PTPN14: variants seen among roughly 807,000 people sequenced by gnomAD.
The protein encoded by PTPN14 is tyrosine-protein phosphatase non-receptor type 14.
In PTPN14, 53 loss-of-function variants were observed where a neutral mutation model predicts 126.8. The observed-to-expected ratio is 0.42, with a 90% CI of 0.34 to 0.53. The LOEUF is 0.53. Ranked by LOEUF, PTPN14 falls within the 20% of genes least tolerant of loss-of-function variation. PTPN14 has a pLI of 0.08. For missense variants in PTPN14, 1,257 were observed against 1,552.9 expected (o/e 0.81, Z 3.20); for synonymous variants, 630 against 599.3 (o/e 1.05, Z -0.75).
chr1:214,411,721 G>T lies in PTPN14; in HGVS notation c.473C>A (p.Ser158Tyr). ...ADFGDYNQFD[S>Y]QDFLREYVLF... ...CACATACTCTCTGAGGAAATCTTGA[G>T]AATCAAACTGATTATAGTCTCCAAA... is the stretch of plus-strand genomic sequence containing the variant. Residue 158 changes from serine to tyrosine, a missense_variant, in exon 5 of 19, where the codon TCT (serine) becomes TAT (tyrosine). Ser to Tyr is a moderately radical substitution (Grantham distance 144, BLOSUM62 -2). Around this residue, in one of 3 missense-constraint regions of PTPN14, gnomAD observed 1,021 missense variants for 1,183.3 expected, o/e 0.86. Transcript: ENST00000366956. The T allele has an allele frequency of 6.6e-7, 1 of 1,511,570 alleles. No homozygotes were observed. The highest frequency in any genetic ancestry group is 1.8e-5 in the Admixed American group (1 of 56,458). The allele number at this position is 1,511,570 out of a possible 1,614,324, so 93.6% of individuals were successfully genotyped here.
At chr1:214,425,931 T>A (rs1659651768) in intron 3 of PTPN14, among the ~76,000 whole-genome samples, 1 of 150,942 alleles carries the variant, frequency 6.6e-6, no homozygotes, top group South Asian at 2.1e-4. Context: ...GGTAGGTGAC[T>A]TGCCAAGTCT....
intron 1 of PTPN14, among the ~76,000 whole-genome samples, chr1:214,480,297 T>C (rs1464538736): frequency 2.6e-5 from 4 of 152,242 alleles, no homozygotes; most frequent in Non-Finnish European, 4.4e-5. Context: ...TCTTCACTTA[T>C]AAGATGACTG....
At position 214,506,680 on chromosome 1, in the gene PTPN14, T is replaced by C. The variant is rs574579191; in HGVS notation, c.-154-41723A>G. On this transcript the variant is annotated intron_variant, in intron 1 of 18. Transcript: ENST00000366956. ...GGTTCTGCCAGGTGGCCAATGCTCA[T>C]TAACCAGGGATACAGGTGGCTCTCT... Among the ~76,000 whole-genome samples, 57 of 152,312 alleles carry C rather than the reference T, an allele frequency of 3.7e-4. No homozygotes were observed. The Middle Eastern group carries it at 0.01, about 27-fold the overall frequency.
At chr1:214,391,081 A>G in intron 10 of PTPN14, 36 bp from the exon 11 acceptor site, 2 of 1,472,896 alleles carry the variant, frequency 1.4e-6, no homozygotes, top group Non-Finnish European at 1.9e-6. Flanking sequence ...AATGGTTATT[A>G]TTATTGATAT....
At chr1:214,513,913 C>T (rs1655038446) in intron 1 of PTPN14, among the ~76,000 whole-genome samples, 1 of 152,108 alleles carries the variant, frequency 6.6e-6, no homozygotes. Context: ...TGTTATTACT[C>T]TTGTTCACCA....
intron 14 of PTPN14, 51 bp from the exon 15 acceptor site, chr1:214,376,488 C>T (rs760757398): frequency 1.4e-6 from 2 of 1,451,952 alleles, no homozygotes; most frequent in Non-Finnish European, 1.9e-6. Flanking sequence ...TCCAAAAACT[C>T]AATGAAACAA....
At chr1:214,521,725 C>CCACACACA (rs34671352) in intron 1 of PTPN14, among the ~76,000 whole-genome samples, 1 of 149,066 alleles carries the variant, frequency 6.7e-6, no homozygotes, top group East Asian at 2.0e-4. Flanking sequence ...CAAAGCACAC[C>CCACACACA]CACACACACA....
chr1:214,384,314 G>T lies in PTPN14; in HGVS notation c.1541C>A (p.Ser514Tyr). The change falls in exon 13 of 19, where the codon TCT (serine) becomes TAT (tyrosine). Residue 514 changes from serine (S) to tyrosine (Y), a missense_variant. Ser to Tyr is a moderately radical substitution (Grantham distance 144, BLOSUM62 -2). This residue lies in a region of PTPN14 where 1,021 missense variants were observed against 1,183.3 expected (regional missense o/e 0.86). Transcript: ENST00000366956. This position sits in a 1 kb window ranked among gnomAD's most constrained non-coding sequence, Gnocchi z 5.3. ...GVYSNKLVSP[S>Y]DQRNPKNNVV... is the part of the protein sequence containing the mutation. Reference sequence around the variant, plus strand: ...ATTATTCTTTGGGTTCCTCTGGTCAGATGGACTGACAAGTTTGTTGCTGTA... The same window carrying T: ...ATTATTCTTTGGGTTCCTCTGGTCATATGGACTGACAAGTTTGTTGCTGTA... 4 of 1,614,172 alleles carry T rather than the reference G, an allele frequency of 2.5e-6. No individual in the cohort carries two copies. The South Asian group carries it at 3.3e-5, about 13-fold the overall frequency.
chr1:214,359,469 G>T (rs541056774), intron 18 of PTPN14, among the ~76,000 whole-genome samples: 1 of 149,988 alleles, frequency 6.7e-6, no homozygotes, highest in East Asian at 2.0e-4. Flanking sequence ...TGATCCGCCT[G>T]CCTCGGCCTC....
rs950807370 is a variant in PTPN14 at position 214,352,697 on chromosome 1, G to A, written c.*5225C>T. Reference sequence around the variant, plus strand: ...TTTCCACCCTATAGGGCCAACTAGTGTGCCAACCATAAGGCTGTAGGCCAT... The same window carrying A: ...TTTCCACCCTATAGGGCCAACTAGTATGCCAACCATAAGGCTGTAGGCCAT... On this transcript the variant is annotated 3_prime_UTR_variant, in exon 19 of 19. Coordinates refer to ENST00000366956, the MANE Select transcript of PTPN14 (RefSeq NM_005401.5). The A allele has an allele frequency of 6.6e-6, 1 of 152,180 alleles. No homozygotes were observed. The highest frequency in any genetic ancestry group is 6.5e-5 in the Admixed American group (1 of 15,276). 9.4% of individuals were successfully genotyped at this position (152,180 alleles called of 1,614,324 possible).
chr1:214,464,182 T>G (rs372036655), intron 2 of PTPN14, among the ~76,000 whole-genome samples: 2 of 4,332 alleles, frequency 4.6e-4, no homozygotes, highest in African/African-American at 4.2e-3. Flanking sequence ...TTCGGTGGGG[T>G]TTTTTTTTTT....
chr1:214,482,541 G>A (rs572381167), intron 1 of PTPN14, among the ~76,000 whole-genome samples: 54 of 150,396 alleles, frequency 3.6e-4, no homozygotes, highest in African/African-American at 1.3e-3. Context: ...ATACATAGAG[G>A]CATGCCGTAG....
At chr1:214,448,397 A>AT (rs34637675) in intron 3 of PTPN14, among the ~76,000 whole-genome samples, 13,194 of 133,430 alleles carry the variant, frequency 0.099, 668 homozygotes, top group Non-Finnish European at 0.11. Flanking sequence ...AGCCGGGCTA[A>AT]TTTTTTTTTT....
In PTPN14 at chr1:214,550,540, G is replaced by A. The variant is rs1656082861; in HGVS notation, c.-155+643C>T. 2.0e-5 allele frequency among the ~76,000 whole-genome samples: 3 copies of A among 152,340 alleles called. No homozygotes were observed. The South Asian group carries it at 6.2e-4, about 32-fold the overall frequency. The stretch of plus-strand genomic sequence containing the variant: ...AAACCTGAGATCTGGGGGTCACGTG[G>A]GGAAGGAGAGGCTGTTAATACCTAC... On this transcript the variant is annotated intron_variant, in intron 1 of 18. Transcript: ENST00000366956.
chr1:214,399,322 T>G (rs537312778), intron 7 of PTPN14, among the ~76,000 whole-genome samples: 32 of 152,270 alleles, frequency 2.1e-4, no homozygotes, highest in Non-Finnish European at 3.7e-4. Context: ...GATAGAGAGA[T>G]AGATATTTTT....
chr1:214,382,265 G>A (rs1658492387), intron 13 of PTPN14, among the ~76,000 whole-genome samples: 1 of 152,210 alleles, frequency 6.6e-6, no homozygotes, highest in African/African-American at 2.4e-5. Flanking sequence ...TCACTTCGTT[G>A]TTCTATATGT....
At chr1:214,377,827 T>C (rs1020824762) in intron 14 of PTPN14, 132 bp downstream of exon 14, 2 of 1,151,588 alleles carry the variant, frequency 1.7e-6, no homozygotes, top group Non-Finnish European at 2.5e-6. Flanking sequence ...CAGTTATACC[T>C]GATCTTCCTA....
intron 3 of PTPN14, among the ~76,000 whole-genome samples, chr1:214,442,628 G>T (rs368103879): frequency 1.6e-4 from 25 of 152,218 alleles, no homozygotes; most frequent in African/African-American, 5.8e-4. Flanking sequence ...TATGCCAAGT[G>T]ATATTACAAA....
chr1:214,413,795 A>C (rs114851805), intron 4 of PTPN14, among the ~76,000 whole-genome samples: 2,584 of 152,138 alleles, frequency 0.017, 79 homozygotes, highest in African/African-American at 0.059. Flanking sequence ...CAGCCTCCTG[A>C]GTAGCTGGAA....
Sources: gnomAD v4.1 joint callset for allele counts (sites outside exome capture counted in the v4.1 genomes callset) on GRCh38, gnomAD v4.1.1 for gene constraint, gnomAD v4.1.1 regional missense constraint, Gnocchi (gnomAD v3.1) non-coding constraint, MANE v1.5 for transcripts, NCBI Gene and HGNC (gene_info 2026-07-23, HGNC 2026-07-21) for gene names.